The following PTPN1 variants were observed in gnomAD, a reference collection of about 807,000 sequenced individuals.
PTPN1 encodes the protein tyrosine-protein phosphatase non-receptor type 1.
A neutral mutation model predicts 59.9 loss-of-function variants in PTPN1; 12 were observed. That is an observed-to-expected ratio of 0.20 (90% CI 0.13 to 0.32). PTPN1 has a LOEUF of 0.32. Ranked by LOEUF, PTPN1 falls within the 10% of genes least tolerant of loss-of-function variation. The pLI is 1.00. For missense variants in PTPN1, 356 were observed against 549.2 expected (o/e 0.65, Z 3.52); for synonymous variants, 178 against 203.6 (o/e 0.87, Z 1.07).
chr20:50,521,472 C>T (rs558592009), intron 1 of PTPN1, among the ~76,000 whole-genome samples: 5 of 152,396 alleles, frequency 3.3e-5, no homozygotes, highest in Admixed American at 1.3e-4. Flanking sequence ...CCTCAGTCTT[C>T]TCCTGTGTCC....
intron 1 of PTPN1, among the ~76,000 whole-genome samples, chr20:50,513,431 C>T (rs77461624): frequency 0.011 from 1,616 of 152,304 alleles, 12 homozygotes; most frequent in South Asian, 0.016. Context: ...AAGAATAGCT[C>T]ATGTGCTCCC....
intron 8 of PTPN1, among the ~76,000 whole-genome samples, chr20:50,580,203 G>A (rs1044124748): frequency 6.6e-6 from 1 of 151,974 alleles, no homozygotes; most frequent in Non-Finnish European, 1.5e-5. Context: ...GAGCCACCGA[G>A]TAGGGTTTTT....
chr20:50,517,789 G>A (rs2082535280), intron 1 of PTPN1, among the ~76,000 whole-genome samples: 1 of 152,212 alleles, frequency 6.6e-6, no homozygotes. Context: ...CTAGTGCTGG[G>A]AAATTCTAAA....
intron 8 of PTPN1, among the ~76,000 whole-genome samples, chr20:50,580,201 G>A (rs915816170): frequency 2.0e-5 from 3 of 151,990 alleles, no homozygotes; most frequent in African/African-American, 2.4e-5. Flanking sequence ...CGGAGCCACC[G>A]AGTAGGGTTT....
Position 50,565,054 on chromosome 20 carries a change from T to G in PTPN1, c.240T>G (p.Ser80Arg), listed in dbSNP as rs1273120831. ...TAAAAATGGAAGAAGCCCAAAGGAG[T>G]TACATTCTTACCCAGGTAAGCAGAT... ...SLIKMEEAQRSYILTQGPLPN... is the reference protein window; with the variant it reads ...SLIKMEEAQRRYILTQGPLPN... The change falls in exon 3 of 10, where the codon AGT (serine) becomes AGG (arginine). Residue 80 changes from serine (S) to arginine (R), a missense_variant. Ser to Arg is a moderately radical substitution (Grantham distance 110, BLOSUM62 -1). Around this residue, in one of 3 missense-constraint regions of PTPN1, gnomAD observed 194 missense variants for 344.2 expected, o/e 0.56. Coordinates refer to ENST00000371621, the MANE Select transcript of PTPN1 (RefSeq NM_002827.4). 11 of 1,611,940 alleles carry G rather than the reference T, an allele frequency of 6.8e-6. No individual in the cohort carries two copies. In the Admixed American group the frequency reaches 1.9e-4, roughly 27 times the overall value.
rs758856097 is a variant in PTPN1, at chr20:50,582,941, C to G, written c.*226C>G. 6.7e-6 allele frequency: 4 copies of G among 597,130 alleles called. No homozygotes were observed. Among genetic ancestry groups the G allele is most frequent in the Admixed American group, 2.8e-5 (1 of 35,754 alleles). 37.0% of individuals were successfully genotyped at this position (597,130 alleles called of 1,614,324 possible). A position where few individuals can be genotyped will look rare whatever the true frequency, so the allele number is the denominator to read the frequency against. On this transcript the variant is annotated 3_prime_UTR_variant, in exon 10 of 10. Coordinates refer to ENST00000371621, the MANE Select transcript of PTPN1 (RefSeq NM_002827.4). The surrounding 1 kb of genome is among the most constrained non-coding windows in gnomAD (Gnocchi z 4.2). ...CCACTTTGAGTACCAAATCCACAAG[C>G]CATTTTTTGAGGAGAGTGAAAGAGA...
rs1002810713 is a variant in PTPN1, at chr20:50,585,052, G to GTTGT, written c.*2341_*2344dup. 2 of 152,160 alleles carry GTTGT rather than the reference G, an allele frequency of 1.3e-5. No individual in the cohort carries two copies. Among genetic ancestry groups the GTTGT allele is most frequent in the African/African-American group, 4.8e-5 (2 of 41,436 alleles). 9.4% of individuals were successfully genotyped at this position (152,160 alleles called of 1,614,324 possible). ...CAGATAACTTAACAAACTTACCAGT[G>GTTGT]TTGTTTGAAGAACAGTGTTTTGAGT... On this transcript the variant is annotated 3_prime_UTR_variant, in exon 10 of 10. Coordinates refer to ENST00000371621, the MANE Select transcript of PTPN1 (RefSeq NM_002827.4).
chr20:50,556,556 A>G (rs117546060), intron 1 of PTPN1, among the ~76,000 whole-genome samples: 1,621 of 152,298 alleles, frequency 0.011, 12 homozygotes, highest in Middle Eastern at 0.017. Context: ...TTACAGTTTT[A>G]TAAATAAGTA....
intron 1 of PTPN1, among the ~76,000 whole-genome samples, chr20:50,521,880 T>A (rs1312351191): frequency 6.6e-6 from 1 of 152,214 alleles, no homozygotes; most frequent in Non-Finnish European, 1.5e-5. Flanking sequence ...GATGTACATG[T>A]GTGCGTTGCA....
intron 1 of PTPN1, among the ~76,000 whole-genome samples, chr20:50,513,622 G>A (rs1466035773): frequency 6.6e-6 from 1 of 152,156 alleles, no homozygotes; most frequent in Non-Finnish European, 1.5e-5. Context: ...GTTAGAGGCA[G>A]GCTTTGTAAA....
chr20:50,533,699 C>CCA (rs2082611406), intron 1 of PTPN1, among the ~76,000 whole-genome samples: 1 of 152,050 alleles, frequency 6.6e-6, no homozygotes, highest in South Asian at 2.1e-4. Context: ...TGCCCCCCCC[C>CCA]AGAAAGGAAG....
chr20:50,529,256 T>G (rs1231416279), intron 1 of PTPN1, among the ~76,000 whole-genome samples: 1 of 152,194 alleles, frequency 6.6e-6, no homozygotes, highest in Non-Finnish European at 1.5e-5. Flanking sequence ...TGAGAGAGTC[T>G]CTCTCATTCA....
intron 5 of PTPN1, among the ~76,000 whole-genome samples, chr20:50,576,284 G>C (rs543169654): frequency 6.6e-6 from 1 of 152,368 alleles, no homozygotes; most frequent in South Asian, 2.1e-4. Flanking sequence ...CTATTTGCTT[G>C]TTGAGGGAAA....
At chr20:50,574,691 A>T in intron 5 of PTPN1, 37 bp downstream of exon 5, 2 of 1,566,246 alleles carry the variant, frequency 1.3e-6, no homozygotes, top group Non-Finnish European at 1.7e-6. Flanking sequence ...TCAGGCGGCT[A>T]CTGGTTCACA....
At position 50,532,786 on chromosome 20, in the gene PTPN1, C is replaced by T. The variant is rs563101759; in HGVS notation, c.63+22196C>T. On this transcript the variant is annotated intron_variant, in intron 1 of 9. Coordinates refer to ENST00000371621, the MANE Select transcript of PTPN1 (RefSeq NM_002827.4). ...TAGATCCCTTTTCCTGCAATCCTGG[C>T]ACTGGAATTGGTTTTATCATTTCCA... is the stretch of plus-strand genomic sequence containing the variant. Among the ~76,000 whole-genome samples the T allele has an allele frequency of 4.9e-4, 74 of 152,200 alleles. No individual in the cohort carries two copies. The South Asian group carries it at 0.014, about 28-fold the overall frequency.
intron 9 of PTPN1, among the ~76,000 whole-genome samples, chr20:50,581,692 G>A (rs1346080651): frequency 1.3e-5 from 2 of 151,964 alleles, no homozygotes; most frequent in Non-Finnish European, 2.9e-5. Context: ...CTAATCTCAG[G>A]GCCTTAACCT....
At chr20:50,579,548 T>C (rs1444374502) in intron 7 of PTPN1, among the ~76,000 whole-genome samples, 155 bp from the exon 8 acceptor site, 1 of 152,264 alleles carries the variant, frequency 6.6e-6, no homozygotes, top group Admixed American at 6.5e-5. Flanking sequence ...GACGAGACTT[T>C]ATTTTCAAAA....
chr20:50,531,218 T>G (rs1175009910), intron 1 of PTPN1, among the ~76,000 whole-genome samples: 1 of 152,218 alleles, frequency 6.6e-6, no homozygotes, highest in Non-Finnish European at 1.5e-5. Flanking sequence ...TTCATTCTGC[T>G]TCTCTCGTTT....
At chr20:50,520,360 A>C (rs939572988) in intron 1 of PTPN1, among the ~76,000 whole-genome samples, 19 of 136,486 alleles carry the variant, frequency 1.4e-4, no homozygotes, top group Middle Eastern at 3.5e-3. Context: ...GACAAGAGTG[A>C]AACTCTGTCT....
Sources: allele counts gnomAD v4.1 joint callset (sites outside exome capture counted in the v4.1 genomes callset), GRCh38; gene constraint gnomAD v4.1.1; regional missense constraint gnomAD v4.1.1; non-coding constraint Gnocchi (gnomAD v3.1); transcripts MANE v1.5; gene names NCBI Gene and HGNC (gene_info 2026-07-23, HGNC 2026-07-21).